PHF14: variants seen among roughly 807,000 people sequenced by gnomAD.
PHF14 encodes the protein PHD finger protein 14.
PHF14 carries 55 observed loss-of-function variants against 117.9 expected under a neutral mutation model. The ratio of observed to expected loss-of-function variants is 0.47; its 90% confidence interval spans 0.38 to 0.58. The LOEUF (loss-of-function observed/expected upper bound fraction) is 0.58, where lower values mean the gene tolerates loss of function less well. Among genes scored for constraint, PHF14 ranks in the 20% least tolerant of loss-of-function variants. The pLI is 0.00. For synonymous variants in PHF14, 409 were observed against 368.6 expected (o/e 1.11, Z -1.26); for missense variants, 978 against 1,122.2 (o/e 0.87, Z 1.84).
intron 7 of PHF14, among the ~76,000 whole-genome samples, chr7:11,030,107 A>G (rs3801437): frequency 0.58 from 86,908 of 149,198 alleles, 27,106 homozygotes; most frequent in East Asian, 0.85. Flanking sequence ...ATTTTAAGGA[A>G]TTGTACTTTG....
At chr7:11,077,237 T>C (rs1361688681) in intron 16 of PHF14, among the ~76,000 whole-genome samples, 1 of 151,766 alleles carries the variant, frequency 6.6e-6, no homozygotes, top group Non-Finnish European at 1.5e-5. Context: ...CCTCTGAATA[T>C]ATAGGCATAA....
chr7:11,111,435 A>G lies in PHF14; in HGVS notation c.2740A>G (p.Ile914Val), dbSNP rs1787442635. Residue 914 changes from isoleucine to valine, a missense_variant, in exon 17 of 18, where the codon ATA becomes GTA. Physicochemically the swap from Ile to Val is conservative, Grantham distance 29 (BLOSUM62 3). Transcript: ENST00000634607. Reference protein sequence around the residue: ...KSPKQTGYGWICQECDSSSSK... With the variant: ...KSPKQTGYGWVCQECDSSSSK... Reference sequence around the variant, plus strand: ...TCCTAAACAGACAGGCTACGGATGGATATGTCAGGAATGTGATTCTTCATC... The same window carrying G: ...TCCTAAACAGACAGGCTACGGATGGGTATGTCAGGAATGTGATTCTTCATC... The G allele has an allele frequency of 6.3e-7, 1 of 1,599,754 alleles. No homozygotes were observed. Among genetic ancestry groups the G allele is most frequent in the Non-Finnish European group, 8.6e-7 (1 of 1,169,164 alleles).
At chr7:11,124,824 T>G (rs1365725477) in intron 17 of PHF14, among the ~76,000 whole-genome samples, 3 of 152,158 alleles carry the variant, frequency 2.0e-5, no homozygotes, top group Non-Finnish European at 2.9e-5. Context: ...ATTTTCATCA[T>G]GTAAAACTCA....
intron 4 of PHF14, among the ~76,000 whole-genome samples, chr7:10,999,612 G>T (rs1321339492): frequency 1.3e-5 from 2 of 152,132 alleles, no homozygotes; most frequent in Non-Finnish European, 2.9e-5. Flanking sequence ...GATAAACATA[G>T]ATTTCTGTAA....
intron 7 of PHF14, among the ~76,000 whole-genome samples, chr7:11,031,578 C>A (rs1174647585): frequency 2.1e-5 from 3 of 145,166 alleles, no homozygotes; most frequent in African/African-American, 5.1e-5. Flanking sequence ...CATAGCAGGA[C>A]CCCATCTCTA....
intron 17 of PHF14, among the ~76,000 whole-genome samples, chr7:11,123,750 A>G (rs141699603): frequency 0.017 from 2,603 of 152,082 alleles, 71 homozygotes; most frequent in East Asian, 0.12. Context: ...ACTACACTCC[A>G]GCCTGGGTGA....
chr7:11,056,343 A>G (rs1390261896), intron 14 of PHF14, among the ~76,000 whole-genome samples: 5 of 152,230 alleles, frequency 3.3e-5, no homozygotes, highest in Non-Finnish European at 7.4e-5. Flanking sequence ...AGGTTTTTAT[A>G]GCAGCACTTA....
chr7:11,090,828 G>T (rs1034930437), intron 16 of PHF14, among the ~76,000 whole-genome samples: 2 of 152,202 alleles, frequency 1.3e-5, no homozygotes, highest in African/African-American at 4.8e-5. Flanking sequence ...AAAGGATAAA[G>T]AAGTCTTCAT....
At chr7:11,103,324 GT>G in intron 16 of PHF14, 2 of 894,690 alleles carry the variant, frequency 2.2e-6, no homozygotes, top group South Asian at 1.0e-4. Flanking sequence ...AGCTTTCTGT[GT>G]TCAGTATAAT....
intron 16 of PHF14, among the ~76,000 whole-genome samples, chr7:11,092,678 A>C (rs1583458620): frequency 6.6e-6 from 1 of 152,070 alleles, no homozygotes; most frequent in East Asian, 1.9e-4. Context: ...AAACCCAGTG[A>C]ATTGCCTTTT....
chr7:11,067,111 C>T (rs1159529864), intron 16 of PHF14, among the ~76,000 whole-genome samples: 1 of 152,102 alleles, frequency 6.6e-6, no homozygotes, highest in Non-Finnish European at 1.5e-5. Flanking sequence ...ACTTGGACAA[C>T]TCAGCAATAA....
chr7:11,115,701 A>G (rs548420188), intron 17 of PHF14, among the ~76,000 whole-genome samples: 1 of 152,180 alleles, frequency 6.6e-6, no homozygotes, highest in African/African-American at 2.4e-5. Flanking sequence ...AAGGTCATTT[A>G]TGGCAAAAGG....
At chr7:11,086,824 A>G (rs954259707) in intron 16 of PHF14, among the ~76,000 whole-genome samples, 3 of 152,068 alleles carry the variant, frequency 2.0e-5, no homozygotes, top group Non-Finnish European at 4.4e-5. Flanking sequence ...CATTGTTTTC[A>G]TGGCTTTTAT....
chr7:11,064,161 A>G (rs1785340342), intron 16 of PHF14, among the ~76,000 whole-genome samples: 1 of 151,912 alleles, frequency 6.6e-6, no homozygotes, highest in Non-Finnish European at 1.5e-5. Context: ...AAAAAAATAC[A>G]TTGTTTATGC....
At chr7:11,155,877 T>C (rs1788832601) in intron 17 of PHF14, among the ~76,000 whole-genome samples, 1 of 152,148 alleles carries the variant, frequency 6.6e-6, no homozygotes, top group Non-Finnish European at 1.5e-5. Flanking sequence ...GGAGATCTGT[T>C]TTCAAGTAAG....
At chr7:11,153,127 A>AT (rs1321018648) in intron 17 of PHF14, among the ~76,000 whole-genome samples, 1 of 152,226 alleles carries the variant, frequency 6.6e-6, no homozygotes, top group Non-Finnish European at 1.5e-5. Context: ...TGTATAAAGA[A>AT]TAGGTATACA....
chr7:10,973,980 A>T lies in PHF14; in HGVS notation c.-344A>T. On this transcript the variant is annotated 5_prime_UTR_variant, in exon 1 of 18. Transcript: ENST00000634607. ...TTCGTTGCTTCTGGTCCAGGCTAAT[A>T]AAGTTTTTCTTTCTTTAATTTTTTT... 3.8e-6 allele frequency: 1 copy of T among 260,524 alleles called. No homozygotes were observed. Among genetic ancestry groups the T allele is most frequent in the Non-Finnish European group, 7.5e-6 (1 of 132,872 alleles). 16.1% of individuals were successfully genotyped at this position (260,524 alleles called of 1,614,324 possible). A position where few individuals can be genotyped will look rare whatever the true frequency, so the allele number is the denominator to read the frequency against.
At chr7:11,019,629 C>CT (rs1194140168) in intron 5 of PHF14, among the ~76,000 whole-genome samples, 2 of 152,070 alleles carry the variant, frequency 1.3e-5, no homozygotes, top group Non-Finnish European at 2.9e-5. Flanking sequence ...TATCTTCTCT[C>CT]TTTTTTCCTC....
intron 17 of PHF14, among the ~76,000 whole-genome samples, chr7:11,132,774 T>C (rs2128349106): frequency 6.6e-6 from 1 of 152,000 alleles, no homozygotes; most frequent in South Asian, 2.1e-4. Context: ...TGTTATCTTT[T>C]GACTTTTTGA....
Sources: gnomAD v4.1 joint callset for allele counts (sites outside exome capture counted in the v4.1 genomes callset) on GRCh38, gnomAD v4.1.1 for gene constraint, MANE v1.5 for transcripts, NCBI Gene and HGNC (gene_info 2026-07-23, HGNC 2026-07-21) for gene names.